The following SLC1A6 variants were observed in gnomAD, a reference collection of about 807,000 sequenced individuals.
The protein encoded by SLC1A6 is excitatory amino acid transporter 4.
SLC1A6 carries 15 observed loss-of-function variants against 42.1 expected under a neutral mutation model. The observed-to-expected ratio is 0.36, with a 90% CI of 0.24 to 0.55. SLC1A6 has a LOEUF of 0.55. SLC1A6 is among the 20% of genes least tolerant of loss of function. The probability of loss-of-function intolerance (pLI) is 0.88; values close to 1 mark genes in which losing one functional copy is unlikely to be tolerated. For missense variants in SLC1A6, 542 were observed against 772.5 expected (o/e 0.70, Z 3.54); for synonymous variants, 317 against 319.7 (o/e 0.99, Z 0.09).
intron 4 of SLC1A6, among the ~76,000 whole-genome samples, chr19:14,965,903 GGCCAT>G (rs1457884481): frequency 6.6e-6 from 1 of 151,986 alleles, no homozygotes; most frequent in East Asian, 1.9e-4. Context: ...TGGAGCTGGG[GGCCAT>G]TATTCTAAGT....
intron 1 of SLC1A6, chr19:14,973,258 C>T (rs3761099): frequency 0.7 from 161,516 of 230,956 alleles, 57,528 homozygotes; most frequent in African/African-American, 0.81. Flanking sequence ...CTCCACCCCT[C>T]CAAAAAAGCA....
chr19:14,964,474 T>C, intron 4 of SLC1A6, 113 bp from the exon 5 acceptor site: 1 of 839,228 alleles, frequency 1.2e-6, no homozygotes, highest in East Asian at 2.4e-5. Context: ...ATATGAATGC[T>C]TCCTCTAGGC....
chr19:14,976,557 T>TA (rs1386081699), intron 1 of SLC1A6, among the ~76,000 whole-genome samples: 1 of 152,192 alleles, frequency 6.6e-6, no homozygotes, highest in African/African-American at 2.4e-5. Flanking sequence ...TTAGTATTTT[T>TA]GTATTTTTAG....
intron 3 of SLC1A6, among the ~76,000 whole-genome samples, chr19:14,969,220 C>G (rs1319911762): frequency 1.3e-5 from 2 of 152,174 alleles, no homozygotes; most frequent in Non-Finnish European, 2.9e-5. Context: ...TCACGGCGCA[C>G]CCTTTGTGGC....
In SLC1A6 at chr19:14,972,760, G is replaced by A. The variant is rs558935555; in HGVS notation, c.151C>T (p.Arg51Cys). Residue 51 changes from arginine (R) to cysteine (C), a missense_variant, in exon 2 of 10, where the codon CGC becomes TGC. Physicochemically the swap from Arg to Cys is radical, Grantham distance 180. This residue lies in a region of SLC1A6 where 88 missense variants were observed against 85.5 expected (regional missense o/e 1.03). Coordinates refer to ENST00000594383, the MANE Select transcript of SLC1A6 (RefSeq NM_005071.3). ...ATGAAGGCGTTTCGGCGCAGGAAGC[G>A]CAGCACGTGCTCGAGGGTCATGGTC... is the stretch of plus-strand genomic sequence containing the variant. Reference protein sequence around the residue: ...LQTMTLEHVLRFLRRNAFILL... With the variant: ...LQTMTLEHVLCFLRRNAFILL... 1.4e-5 allele frequency: 23 copies of A among 1,614,008 alleles called. No individual in the cohort carries two copies. In the South Asian group the frequency reaches 1.4e-4, roughly 10 times the overall value.
chr19:14,975,113 A>C (rs2045688616), intron 1 of SLC1A6: 1 of 152,104 alleles, frequency 6.6e-6, no homozygotes. Context: ...AACATCAGGG[A>C]AATAGTAGAA....
intron 6 of SLC1A6, among the ~76,000 whole-genome samples, chr19:14,959,082 G>T (rs1261226147): frequency 6.6e-6 from 1 of 152,136 alleles, no homozygotes; most frequent in Non-Finnish European, 1.5e-5. Flanking sequence ...TCCTATGTAG[G>T]TGTTAGACAC....
Position 14,979,110 on chromosome 19 carries a change from CCT to C in SLC1A6, c.-8+197_-8+198del, listed in dbSNP as rs2045745429. Among the ~76,000 whole-genome samples the C allele has an allele frequency of 6.8e-6, 1 of 146,770 alleles. No homozygotes were observed. Among genetic ancestry groups the C allele is most frequent in the Non-Finnish European group, 1.5e-5 (1 of 66,110 alleles). On this transcript the variant is annotated intron_variant, in intron 1 of 9. Coordinates refer to ENST00000594383, the MANE Select transcript of SLC1A6 (RefSeq NM_005071.3). The surrounding 1 kb of genome is among the most constrained non-coding windows in gnomAD (Gnocchi z 4.2). ...CACACACACACACTAATGCCCAGAC[CCT>C]CTGCAGCCTCAGCCACATCAGATAC...
intron 1 of SLC1A6, chr19:14,978,158 T>C (rs375991613): frequency 4.6e-5 from 7 of 152,336 alleles, no homozygotes; most frequent in African/African-American, 1.7e-4. Context: ...CCTTCTAGTG[T>C]TCCCAGTTTC....
chr19:14,956,402 G>T, intron 7 of SLC1A6, 74 bp downstream of exon 7: 1 of 913,638 alleles, frequency 1.1e-6, no homozygotes, highest in Non-Finnish European at 1.7e-6. Context: ...GGAGAGGGCA[G>T]GTGCCTTAGG....
chr19:14,951,254 A>C (rs1461882192), intron 9 of SLC1A6, among the ~76,000 whole-genome samples: 4 of 100,020 alleles, frequency 4.0e-5, no homozygotes, highest in African/African-American at 1.5e-4. Context: ...TCTGTCTCAC[A>C]AAAAAAAAAA....
At chr19:14,993,309 A>T (rs973597633) in intron 1 of SLC1A6, among the ~76,000 whole-genome samples, 2 of 152,064 alleles carry the variant, frequency 1.3e-5, no homozygotes, top group African/African-American at 4.8e-5. Context: ...GTGACTGCTG[A>T]TGATGGGTAG....
At chr19:15,000,114 G>A (rs775499308) in intron 1 of SLC1A6, among the ~76,000 whole-genome samples, 1 of 151,266 alleles carries the variant, frequency 6.6e-6, no homozygotes, top group African/African-American at 2.4e-5. Context: ...CTAGGCTAAT[G>A]TAAGTGTTCT....
chr19:14,988,065 C>T (rs556739106), intron 1 of SLC1A6, among the ~76,000 whole-genome samples: 1 of 152,122 alleles, frequency 6.6e-6, no homozygotes, highest in Non-Finnish European at 1.5e-5. Context: ...CCCAACTACT[C>T]AGGAGGCTGA....
intron 1 of SLC1A6, 29 bp from the exon 2 acceptor site, chr19:14,972,946 G>C (rs916900370): frequency 6.6e-7 from 1 of 1,518,296 alleles, no homozygotes; most frequent in Admixed American, 2.0e-5. Context: ...CCTGGGGCTG[G>C]TGAGGGCCAG....
chr19:14,999,545 C>A (rs1294640585), intron 1 of SLC1A6, among the ~76,000 whole-genome samples: 2 of 152,204 alleles, frequency 1.3e-5, no homozygotes, highest in African/African-American at 4.8e-5. Context: ...TGTCAATAAC[C>A]TTGGCAAAAT....
At chr19:15,008,615 T>C (rs2045907889) in intron 1 of SLC1A6, among the ~76,000 whole-genome samples, 1 of 152,184 alleles carries the variant, frequency 6.6e-6, no homozygotes, top group Admixed American at 6.5e-5. Flanking sequence ...CTTACATGTT[T>C]ATGGCAGCAC....
At chr19:14,993,790 A>G (rs1001471847) in intron 1 of SLC1A6, among the ~76,000 whole-genome samples, 10 of 152,204 alleles carry the variant, frequency 6.6e-5, no homozygotes, top group Non-Finnish European at 1.2e-4. Context: ...GTGCTCCTTC[A>G]GCTGAGTGCT....
At chr19:14,971,668 C>T (rs2045641738) in intron 3 of SLC1A6, 69 bp downstream of exon 3, 2 of 1,525,396 alleles carry the variant, frequency 1.3e-6, no homozygotes, top group Non-Finnish European at 9.0e-7. Context: ...TTGGGATGGC[C>T]TTGGCTCTGG....
Sources: gnomAD v4.1 joint callset for allele counts (sites outside exome capture counted in the v4.1 genomes callset) on GRCh38, gnomAD v4.1.1 for gene constraint, gnomAD v4.1.1 regional missense constraint, Gnocchi (gnomAD v3.1) non-coding constraint, MANE v1.5 for transcripts, NCBI Gene and HGNC (gene_info 2026-07-23, HGNC 2026-07-21) for gene names.